Variants in SULT1A2 observed in about 807,000 individuals in gnomAD.
SULT1A2 encodes sulfotransferase family 1A member 2.
In SULT1A2, 33 loss-of-function variants were observed where a neutral mutation model predicts 36.0. The observed-to-expected ratio is 0.92, with a 90% CI of 0.69 to 1.22. SULT1A2 has a LOEUF of 1.22. SULT1A2 is among the 50% of genes most tolerant of loss of function. The probability of loss-of-function intolerance (pLI) is 0.00; values close to 1 mark genes in which losing one functional copy is unlikely to be tolerated. For missense variants in SULT1A2, 367 were observed against 383.2 expected (o/e 0.96, Z 0.35); for synonymous variants, 138 against 144.5 (o/e 0.96, Z 0.32).
chr16:28,593,826 C>T (rs72622208), intron 4 of SULT1A2, among the ~76,000 whole-genome samples: 5,678 of 152,252 alleles, frequency 0.037, 230 homozygotes, highest in East Asian at 0.21. Flanking sequence ...AAGGCATGCT[C>T]CACCAGGCAT....
At chr16:28,592,231 T>G in intron 7 of SULT1A2, 32 bp downstream of exon 7, 16 of 1,613,862 alleles carry the variant, frequency 9.9e-6, no homozygotes, top group Non-Finnish European at 6.8e-6. Context: ...TGCTCCCACC[T>G]GCTCCAAACC....
intron 4 of SULT1A2, among the ~76,000 whole-genome samples, chr16:28,594,072 GC>G (rs1411410739): frequency 1.4e-5 from 2 of 146,162 alleles, no homozygotes; most frequent in Non-Finnish European, 3.0e-5. Context: ...CTGGACCTTT[GC>G]TTTTTTCTTT....
At chr16:28,596,221 G>C in intron 1 of SULT1A2, 1 of 1,360,876 alleles carries the variant, frequency 7.3e-7, no homozygotes. Context: ...GCGGGGCCCA[G>C]ATGTCAGGGT....
chr16:28,595,793 G>A lies in SULT1A2; in HGVS notation c.138C>T (p.Tyr46=), dbSNP rs779143294. ...ARPDDLLIST[Y]PKSGTTWVSQ... ...GCCCTCCTCACCTACCGGACTTGGGGTAGGTGCTGATGAGCAGGTCATCAG... is the reference window on the plus strand; with the variant it reads ...GCCCTCCTCACCTACCGGACTTGGGATAGGTGCTGATGAGCAGGTCATCAG... The change falls in exon 2 of 8, where the codon TAC becomes TAT. Residue 46 remains tyrosine, a synonymous_variant. Coordinates refer to ENST00000335715, the MANE Select transcript of SULT1A2 (RefSeq NM_001054.4). The A allele has an allele frequency of 1.2e-6, 2 of 1,612,692 alleles. No individual in the cohort carries two copies. The highest frequency in any genetic ancestry group is 8.5e-7 in the Non-Finnish European group (1 of 1,179,464).
intron 4 of SULT1A2, among the ~76,000 whole-genome samples, chr16:28,594,110 G>GC (rs1038439060): frequency 1.3e-4 from 19 of 148,810 alleles, no homozygotes; most frequent in South Asian, 6.4e-4. Context: ...TTTTTTTTGG[G>GC]GGGGGGGACT....
chr16:28,592,420 C>G lies in SULT1A2; in HGVS notation c.618G>C (p.Lys206Asn). Reference protein sequence around the residue: ...MKENPKREIQKILEFVGRSLP... With the variant: ...MKENPKREIQNILEFVGRSLP... ...GGGAGCGCCCCACAAACTCCAGGAT[C>G]TTTTGAATCTCCCTTTTGGGGTTCT... is the stretch of plus-strand genomic sequence containing the variant. The change falls in exon 7 of 8, where the codon AAG (lysine) becomes AAC (asparagine). Residue 206 changes from lysine to asparagine, a missense_variant. Coordinates refer to ENST00000335715, the MANE Select transcript of SULT1A2 (RefSeq NM_001054.4). 1 of 1,614,198 alleles carries G rather than the reference C, an allele frequency of 6.2e-7. No individual in the cohort carries two copies. Among genetic ancestry groups the G allele is most frequent in the Non-Finnish European group, 8.5e-7 (1 of 1,180,042 alleles).
intron 1 of SULT1A2, chr16:28,596,210 C>T (rs1187566543): frequency 5.1e-6 from 7 of 1,383,590 alleles, no homozygotes; most frequent in South Asian, 4.5e-5. Context: ...ACCCTCGTGG[C>T]GCGGGGCCCA....
Position 28,595,361 on chromosome 16 carries a change from T to G in SULT1A2, c.372+6A>C. 6.2e-7 allele frequency: 1 copy of G among 1,613,958 alleles called. No individual in the cohort carries two copies. The highest frequency in any genetic ancestry group is 8.5e-7 in the Non-Finnish European group (1 of 1,179,914). On this transcript the variant is annotated splice_donor_region_variant and intron_variant, in intron 4 of 7. Coordinates refer to ENST00000335715, the MANE Select transcript of SULT1A2 (RefSeq NM_001054.4). ...TGCGGGTGTGAACCACTGTGCCCAGTCTCACCTTGACCTTCTGATCCAACA... is the reference window on the plus strand; with the variant it reads ...TGCGGGTGTGAACCACTGTGCCCAGGCTCACCTTGACCTTCTGATCCAACA...
Position 28,595,297 on chromosome 16 carries a change from A to G in SULT1A2, c.372+70T>C, listed in dbSNP as rs2047044945. On this transcript the variant is annotated intron_variant, in intron 4 of 7. Transcript: ENST00000335715. Reference sequence around the variant, plus strand: ...AGACTTATCTGGAACTTCTGGCTTCAAGGGATCTTCCCACCTCAGCCTCCC... The same window carrying G: ...AGACTTATCTGGAACTTCTGGCTTCGAGGGATCTTCCCACCTCAGCCTCCC... 4 of 1,588,612 alleles carry G rather than the reference A, an allele frequency of 2.5e-6. No individual in the cohort carries two copies. The African/African-American group carries it at 5.4e-5, about 22-fold the overall frequency.
In SULT1A2 at chr16:28,595,415, G is replaced by A; in HGVS notation, c.324C>T (p.His108=). 5 of 1,614,096 alleles carry A rather than the reference G, an allele frequency of 3.1e-6. No individual in the cohort carries two copies. The highest frequency in any genetic ancestry group is 4.2e-6 in the Non-Finnish European group (5 of 1,180,018). The stretch of plus-strand genomic sequence containing the variant: ...TCTGGGGGAGCAGAGCCAGGGGCAG[G>A]TGTGTCTTCAGGAGTCGTGGGGCTG... ...NTPAPRLLKT[H]LPLALLPQTL... The change falls in exon 4 of 8, where the codon CAC becomes CAT. Residue 108 remains histidine (H), a synonymous_variant. Coordinates refer to ENST00000335715, the MANE Select transcript of SULT1A2 (RefSeq NM_001054.4).
At chr16:28,595,256 G>GTT (rs56000354) in intron 4 of SULT1A2, 111 bp downstream of exon 4, 46 of 1,248,734 alleles carry the variant, frequency 3.7e-5, no homozygotes, top group Non-Finnish European at 4.6e-5. Flanking sequence ...GCACAGCTAA[G>GTT]TTTTTTTTTT....
In SULT1A2 at chr16:28,595,916, C is replaced by G. The variant is rs1345482284; in HGVS notation, c.15G>C (p.Gln5His). 1.3e-6 allele frequency: 2 copies of G among 1,598,344 alleles called. No homozygotes were observed. Among genetic ancestry groups the G allele is most frequent in the Non-Finnish European group, 1.7e-6 (2 of 1,170,470 alleles). Residue 5 changes from glutamine to histidine, a missense_variant, in exon 2 of 8, where the codon CAG becomes CAC. Gln to His is a conservative substitution (Grantham distance 24, BLOSUM62 0). Coordinates refer to ENST00000335715, the MANE Select transcript of SULT1A2 (RefSeq NM_001054.4). MELI[Q>H]DISRPPLEYV... is the part of the protein sequence containing the mutation. The stretch of plus-strand genomic sequence containing the variant: ...ACTCCAGTGGCGGGCGAGAGATGTC[C>G]TGGATCAGCTCCATGTTCCTGCGTC...
Position 28,595,353 on chromosome 16 carries a change from G to C in SULT1A2, c.372+14C>G. On this transcript the variant is annotated intron_variant, in intron 4 of 7. Coordinates refer to ENST00000335715, the MANE Select transcript of SULT1A2 (RefSeq NM_001054.4). The stretch of plus-strand genomic sequence containing the variant: ...ACTGAGATTGCGGGTGTGAACCACT[G>C]TGCCCAGTCTCACCTTGACCTTCTG... 6.2e-7 allele frequency: 1 copy of C among 1,613,752 alleles called. No individual in the cohort carries two copies. Among genetic ancestry groups the C allele is most frequent in the Non-Finnish European group, 8.5e-7 (1 of 1,179,812 alleles).
intron 4 of SULT1A2, among the ~76,000 whole-genome samples, chr16:28,595,048 G>A (rs2047042541): frequency 6.6e-6 from 1 of 151,972 alleles, no homozygotes. Context: ...CTCTTCAAGT[G>A]CTGGAATTAC....
At chr16:28,593,096 G>A (rs1023492472) in intron 6 of SULT1A2, among the ~76,000 whole-genome samples, 156 bp downstream of exon 6, 1 of 152,212 alleles carries the variant, frequency 6.6e-6, no homozygotes, top group African/African-American at 2.4e-5. Flanking sequence ...GCTGCCACAT[G>A]GGGCTGCAGT....
At chr16:28,592,609 C>A in intron 6 of SULT1A2, 166 bp from the exon 7 acceptor site, 1 of 1,280,168 alleles carries the variant, frequency 7.8e-7, no homozygotes, top group African/African-American at 1.5e-5. Flanking sequence ...AAATGAATTG[C>A]TGTCTGCCCT....
intron 6 of SULT1A2, 162 bp from the exon 7 acceptor site, chr16:28,592,605 A>G: frequency 7.6e-7 from 1 of 1,317,060 alleles, no homozygotes; most frequent in South Asian, 1.4e-5. Flanking sequence ...GGCAAAATGA[A>G]TTGCTGTCTG....
Position 28,593,252 on chromosome 16 carries a change from C to G in SULT1A2, c.594G>C (p.Glu198Asp). The change falls in exon 6 of 8, where the codon GAG (glutamate) becomes GAC (aspartate). Residue 198 changes from glutamate to aspartate, a missense_variant and splice_region_variant. Coordinates refer to ENST00000335715, the MANE Select transcript of SULT1A2 (RefSeq NM_001054.4). Reference protein sequence around the residue: ...VLYLFYEDMKENPKREIQKIL... With the variant: ...VLYLFYEDMKDNPKREIQKIL... Reference sequence around the variant, plus strand: ...AGGGAAGCATCAAAGGCGGTCTCACCTCCTTCATGTCTTCATAGAAGAGGT... The same window carrying G: ...AGGGAAGCATCAAAGGCGGTCTCACGTCCTTCATGTCTTCATAGAAGAGGT... The G allele has an allele frequency of 6.2e-7, 1 of 1,612,344 alleles. No homozygotes were observed. Among genetic ancestry groups the G allele is most frequent in the Non-Finnish European group, 8.5e-7 (1 of 1,180,000 alleles).
chr16:28,592,161 G>A, intron 7 of SULT1A2, 21 bp from the exon 8 acceptor site: 1 of 1,612,596 alleles, frequency 6.2e-7, no homozygotes, highest in Non-Finnish European at 8.5e-7. Context: ...AAGGCAGGGA[G>A]CAAAGCTGGA....
Sources: allele counts gnomAD v4.1 joint callset (sites outside exome capture counted in the v4.1 genomes callset), GRCh38; gene constraint gnomAD v4.1.1; transcripts MANE v1.5; gene names NCBI Gene and HGNC (gene_info 2026-07-23, HGNC 2026-07-21).